PTPRJ: variants seen among roughly 807,000 people sequenced by gnomAD.
PTPRJ encodes protein tyrosine phosphatase receptor type J, also known as receptor-type tyrosine-protein phosphatase eta.
Under a neutral mutation model 141.3 loss-of-function variants are expected in PTPRJ, and 129 were observed. The ratio of observed to expected loss-of-function variants is 0.91; its 90% confidence interval spans 0.79 to 1.06. The LOEUF is 1.06. Ranked by LOEUF, PTPRJ falls within the 50% of genes least tolerant of loss-of-function variation. The pLI, the probability that PTPRJ is intolerant of heterozygous loss-of-function variation, is 0.00. For synonymous variants in PTPRJ, 610 were observed against 640.5 expected, an observed-to-expected ratio of 0.95 and a Z score of 0.72; for missense variants, 1,601 against 1,679.7, an observed-to-expected ratio of 0.95 and a Z score of 0.82.
chr11:48,162,806 G>A (rs2134388186), intron 22 of PTPRJ, among the ~76,000 whole-genome samples: 1 of 152,298 alleles, frequency 6.6e-6, no homozygotes, highest in South Asian at 2.1e-4. Flanking sequence ...TTGGTATGAG[G>A]TAGGGAACCA....
intron 2 of PTPRJ, 55 bp from the exon 3 acceptor site, chr11:48,112,692 C>T: frequency 7.6e-7 from 1 of 1,316,600 alleles, no homozygotes; most frequent in Non-Finnish European, 1.1e-6. Flanking sequence ...GGTGGGGCAT[C>T]CCTGTCTCCT....
rs1856956330 is a variant in PTPRJ at position 48,130,706 on chromosome 11, C to T, written c.1605C>T (p.Cys535=). 1 of 1,606,528 alleles carries T rather than the reference C, an allele frequency of 6.2e-7. No individual in the cohort carries two copies. Among genetic ancestry groups the T allele is most frequent in the Non-Finnish European group, 8.5e-7 (1 of 1,174,818 alleles). Reference sequence around the variant, plus strand: ...CTGAAGGGGCATCTCGGACAGTTTGCAATAGAACTGGTAAGCAAATAGGCT... The same window carrying T: ...CTGAAGGGGCATCTCGGACAGTTTGTAATAGAACTGGTAAGCAAATAGGCT... ...NGTEGASRTV[C]NRTVPSAVFD... is the part of the protein sequence containing the mutation. Residue 535 remains cysteine (C), a synonymous_variant, in exon 8 of 25, where the codon TGC becomes TGT. Transcript: ENST00000418331.
Position 48,144,761 on chromosome 11 carries a change from A to G in PTPRJ, c.2662A>G (p.Arg888Gly). 3 of 1,614,218 alleles carry G rather than the reference A, an allele frequency of 1.9e-6. No homozygotes were observed. The highest frequency in any genetic ancestry group is 2.5e-6 in the Non-Finnish European group (3 of 1,180,010). ...ASDTYVTYLIRTEEKGRSQSL... is the reference protein window; with the variant it reads ...ASDTYVTYLIGTEEKGRSQSL... ...AGATACTTATGTGACATACCTCATA[A>G]GAACAGAAGAAAAGGGACGTTCTCA... Residue 888 changes from arginine to glycine, a missense_variant, in exon 13 of 25, where the codon AGA becomes GGA. Transcript: ENST00000418331.
At chr11:47,984,747 T>C (rs546621717) in intron 1 of PTPRJ, among the ~76,000 whole-genome samples, 29 of 151,398 alleles carry the variant, frequency 1.9e-4, no homozygotes, top group African/African-American at 6.8e-4. Flanking sequence ...TTAGTAGAGA[T>C]GGGGTTTCAC....
Position 48,139,501 on chromosome 11 carries a change from C to T in PTPRJ, c.2168C>T (p.Ala723Val), listed in dbSNP as rs1565323275. The change falls in exon 11 of 25, where the codon GCC becomes GTC. Residue 723 changes from alanine (A) to valine (V), a missense_variant. By Grantham distance (64) the Ala-to-Val change is moderately conservative. Coordinates refer to ENST00000418331, the MANE Select transcript of PTPRJ (RefSeq NM_002843.4). ...TGCTTTGCAGATCCTGCGTCCATGG[C>T]CTCCTTCGACTGCGAAGTGGTCCCC... is the stretch of plus-strand genomic sequence containing the variant. ...KSFCTDPASMASFDCEVVPKE... is the reference protein window; with the variant it reads ...KSFCTDPASMVSFDCEVVPKE... The T allele has an allele frequency of 1.2e-6, 2 of 1,613,852 alleles. No individual in the cohort carries two copies. The highest frequency in any genetic ancestry group is 1.3e-5 in the African/African-American group (1 of 75,062).
At chr11:48,022,740 G>C (rs1368858985) in intron 1 of PTPRJ, among the ~76,000 whole-genome samples, 1 of 152,094 alleles carries the variant, frequency 6.6e-6, no homozygotes, top group Non-Finnish European at 1.5e-5. Context: ...GCTTCAGCCA[G>C]AGCAGCGTGG....
intron 15 of PTPRJ, among the ~76,000 whole-genome samples, chr11:48,147,239 G>T (rs1857374978): frequency 6.6e-6 from 1 of 152,226 alleles, no homozygotes; most frequent in Non-Finnish European, 1.5e-5. Context: ...CAGTTTCATA[G>T]TATTATGATG....
intron 8 of PTPRJ, among the ~76,000 whole-genome samples, chr11:48,134,932 A>G (rs1028836477): frequency 6.6e-6 from 1 of 152,092 alleles, no homozygotes; most frequent in Admixed American, 6.5e-5. Context: ...TCTCCATTTC[A>G]GTTTTCCTCT....
chr11:48,145,624 T>A (rs918359359), intron 14 of PTPRJ, among the ~76,000 whole-genome samples: 2 of 143,460 alleles, frequency 1.4e-5, no homozygotes, highest in African/African-American at 5.0e-5. Context: ...AGTGGCACGA[T>A]ATCTGCTCAC....
chr11:48,137,004 GC>G lies in PTPRJ; in HGVS notation c.1878del (p.Ser627AlafsTer8). ...DPNSTAQYTR[P>X]SNVSNIDVST... ...AATTGCCTTTTTTTTAAAATCAAGG[GC>G]CCAGCAATGTGTCCAACATTGATGT... On this transcript the variant is annotated frameshift_variant and splice_region_variant, in exon 10 of 25. Coordinates refer to ENST00000418331, the MANE Select transcript of PTPRJ (RefSeq NM_002843.4). LOFTEE classifies it high-confidence loss of function. The G allele has an allele frequency of 1.3e-6, 2 of 1,594,500 alleles. No individual in the cohort carries two copies. The highest frequency in any genetic ancestry group is 1.7e-6 in the Non-Finnish European group (2 of 1,163,180).
intron 3 of PTPRJ, among the ~76,000 whole-genome samples, chr11:48,120,303 T>G (rs4752899): frequency 0.46 from 70,597 of 152,122 alleles, 19,603 homozygotes; most frequent in Admixed American, 0.59. Flanking sequence ...CCTGCTATCT[T>G]TATGTCAGAA....
intron 1 of PTPRJ, among the ~76,000 whole-genome samples, chr11:48,089,408 C>G (rs963658884): frequency 3.3e-5 from 5 of 151,424 alleles, no homozygotes; most frequent in African/African-American, 7.3e-5. Flanking sequence ...TCCAGCTACT[C>G]AGGAGGCTGA....
At chr11:48,004,060 A>G (rs1011230681) in intron 1 of PTPRJ, among the ~76,000 whole-genome samples, 1 of 152,190 alleles carries the variant, frequency 6.6e-6, no homozygotes, top group Non-Finnish European at 1.5e-5. Flanking sequence ...GTTGTATGCA[A>G]CCTGACTGCA....
At position 48,125,050 on chromosome 11, in the gene PTPRJ, A is replaced by C; in HGVS notation, c.957A>C (p.Pro319=). 6.2e-7 allele frequency: 1 copy of C among 1,614,154 alleles called. No homozygotes were observed. The highest frequency in any genetic ancestry group is 1.1e-5 in the South Asian group (1 of 91,078). ...AGTCCCTCGTGGGACCTGTGGACCC[A>C]TCCTCCGGCCAGCAGTCCCGAGACA... ...HDESLVGPVD[P]SSGQQSRDTE... The change falls in exon 6 of 25, where the codon CCA becomes CCC. Residue 319 remains proline (P), a synonymous_variant. Transcript: ENST00000418331.
chr11:48,082,227 C>A (rs1325380432), intron 1 of PTPRJ, among the ~76,000 whole-genome samples: 1 of 152,116 alleles, frequency 6.6e-6, no homozygotes, highest in East Asian at 1.9e-4. Context: ...AACGTTTCAT[C>A]CAGTTTCTCT....
intron 1 of PTPRJ, chr11:48,015,745 G>A: frequency 6.6e-6 from 1 of 151,956 alleles, no homozygotes; most frequent in Non-Finnish European, 1.5e-5. Flanking sequence ...CAGCTACTCG[G>A]GAGGCTGAGG....
intron 3 of PTPRJ, among the ~76,000 whole-genome samples, chr11:48,117,711 G>A (rs1590523219): frequency 1.3e-5 from 2 of 151,630 alleles, no homozygotes; most frequent in South Asian, 2.1e-4. Flanking sequence ...ATTAGTAAAA[G>A]GAACAAAATA....
intron 10 of PTPRJ, among the ~76,000 whole-genome samples, chr11:48,137,838 G>GGA (rs1267475548): frequency 3.9e-5 from 6 of 152,174 alleles, no homozygotes; most frequent in African/African-American, 1.4e-4. Context: ...CTTTTGTGCT[G>GGA]GAGAAGATGA....
chr11:48,153,133 C>A (rs374645437), intron 18 of PTPRJ, among the ~76,000 whole-genome samples: 1 of 152,078 alleles, frequency 6.6e-6, no homozygotes, highest in African/African-American at 2.4e-5. Flanking sequence ...AAGCTTTAAT[C>A]GGGTGCTGCA....
Sources: gnomAD v4.1 joint callset for allele counts (sites outside exome capture counted in the v4.1 genomes callset) on GRCh38, gnomAD v4.1.1 for gene constraint, MANE v1.5 for transcripts, NCBI Gene and HGNC (gene_info 2026-07-23, HGNC 2026-07-21) for gene names.